The following HTR1F variants were observed in gnomAD, a reference collection of about 807,000 sequenced individuals.
HTR1F encodes 5-hydroxytryptamine receptor 1F.
Under a neutral mutation model 24.0 loss-of-function variants are expected in HTR1F, and 17 were observed. The ratio of observed to expected loss-of-function variants is 0.71; its 90% CI spans 0.48 to 1.06. The LOEUF (loss-of-function observed/expected upper bound fraction) is 1.06, where lower values mean the gene tolerates loss of function less well. Among genes scored for constraint, HTR1F ranks in the 50% least tolerant of loss-of-function variants. The pLI is 0.00. For synonymous variants in HTR1F, 186 were observed against 156.8 expected, an observed-to-expected ratio of 1.19 and a Z score of -1.39; for missense variants, 391 against 427.8, an observed-to-expected ratio of 0.91 and a Z score of 0.76.
At chr3:87,962,084 A>G (rs1167976220) in intron 2 of HTR1F, among the ~76,000 whole-genome samples, 3 of 152,112 alleles carry the variant, frequency 2.0e-5, no homozygotes, top group African/African-American at 7.2e-5. Context: ...TACATTGAAT[A>G]TAAGCAAAAA....
chr3:87,846,792 G>C (rs1355287008), intron 2 of HTR1F, among the ~76,000 whole-genome samples: 2 of 151,862 alleles, frequency 1.3e-5, no homozygotes, highest in African/African-American at 4.9e-5. Context: ...TTGTATTTTA[G>C]TTACATAAGA....
intron 2 of HTR1F, among the ~76,000 whole-genome samples, chr3:87,831,825 T>C (rs1704586924): frequency 6.6e-6 from 1 of 152,224 alleles, no homozygotes; most frequent in African/African-American, 2.4e-5. Context: ...TACTCATTAA[T>C]CAAGAAATTG....
Position 87,881,847 on chromosome 3 carries a change from C to A in HTR1F, c.-43+59723C>A, listed in dbSNP as rs1292251944. Among the ~76,000 whole-genome samples, 42 of 152,268 alleles carry A rather than the reference C, an allele frequency of 2.8e-4. 1 individual carries two copies. The highest frequency in any genetic ancestry group is 7.0e-4 in the African/African-American group (29 of 41,556). On this transcript the variant is annotated intron_variant, in intron 2 of 2. Transcript: ENST00000319595. ...CCAAAAGCAATGGCAACAAAAGCCA[C>A]AATTGACAAATGGGATCTAATTAAA...
intron 2 of HTR1F, among the ~76,000 whole-genome samples, chr3:87,908,610 A>G (rs1029539631): frequency 5.9e-5 from 9 of 152,030 alleles, no homozygotes; most frequent in Admixed American, 2.0e-4. Flanking sequence ...AATTTTATAA[A>G]TATTTAGAGT....
At chr3:87,981,577 T>C (rs1576119019) in intron 2 of HTR1F, among the ~76,000 whole-genome samples, 1 of 152,126 alleles carries the variant, frequency 6.6e-6, no homozygotes, top group Admixed American at 6.5e-5. Context: ...TCAGTTTCTA[T>C]TACCTTCACA....
intron 2 of HTR1F, among the ~76,000 whole-genome samples, chr3:87,822,771 A>G (rs1211603172): frequency 6.6e-6 from 1 of 152,204 alleles, no homozygotes; most frequent in African/African-American, 2.4e-5. Context: ...GTTGCCTCTG[A>G]TTATATGTGT....
In HTR1F at chr3:87,826,030, T is replaced by C. The variant is rs966321764; in HGVS notation, c.-43+3906T>C. On this transcript the variant is annotated intron_variant, in intron 2 of 2. Transcript: ENST00000319595. ...GAAGACTAAATAAGATCATGTGTATTAAAAAATATTTGCTGTAATGTATTG... is the reference window on the plus strand; with the variant it reads ...GAAGACTAAATAAGATCATGTGTATCAAAAAATATTTGCTGTAATGTATTG... 2.0e-5 allele frequency among the ~76,000 whole-genome samples: 3 copies of C among 152,208 alleles called. 1 individual carries two copies. Among genetic ancestry groups the C allele is most frequent in the African/African-American group, 7.2e-5 (3 of 41,448 alleles).
intron 2 of HTR1F, among the ~76,000 whole-genome samples, chr3:87,825,021 T>TAAG (rs1377340942): frequency 6.6e-6 from 1 of 152,242 alleles, no homozygotes; most frequent in African/African-American, 2.4e-5. Context: ...ATAGTGATTA[T>TAAG]AAGAAGTATT....
chr3:87,882,302 T>C (rs1467061883), intron 2 of HTR1F, among the ~76,000 whole-genome samples: 1 of 152,220 alleles, frequency 6.6e-6, no homozygotes, highest in African/African-American at 2.4e-5. Flanking sequence ...AGTGTGGTGA[T>C]TCCTCAGGGA....
At chr3:87,952,691 T>A (rs1478574658) in intron 2 of HTR1F, among the ~76,000 whole-genome samples, 1 of 152,110 alleles carries the variant, frequency 6.6e-6, no homozygotes, top group African/African-American at 2.4e-5. Context: ...AAATCATTAA[T>A]GCATAGAATA....
rs753964138 is a variant in HTR1F, at chr3:87,991,767, T to C, written c.1018T>C (p.Ser340Pro). The C allele has an allele frequency of 3.7e-6, 6 of 1,613,120 alleles. No individual in the cohort carries two copies. The highest frequency in any genetic ancestry group is 5.1e-6 in the Non-Finnish European group (6 of 1,179,358). ...NFLAWLGYLN[S>P]LINPLIYTIF... ...TTTGGCATGGCTTGGGTATCTCAATTCCCTTATAAATCCACTGATTTACAC... is the reference window on the plus strand; with the variant it reads ...TTTGGCATGGCTTGGGTATCTCAATCCCCTTATAAATCCACTGATTTACAC... The change falls in exon 3 of 3, where the codon TCC becomes CCC. Residue 340 changes from serine (S) to proline (P), a missense_variant. Transcript: ENST00000319595.
At chr3:87,946,396 A>C (rs1165430913) in intron 2 of HTR1F, among the ~76,000 whole-genome samples, 1 of 152,146 alleles carries the variant, frequency 6.6e-6, no homozygotes, top group Non-Finnish European at 1.5e-5. Flanking sequence ...ATAATTTAAA[A>C]ATATAATCAA....
At chr3:87,836,294 T>A (rs1312191779) in intron 2 of HTR1F, among the ~76,000 whole-genome samples, 1 of 152,188 alleles carries the variant, frequency 6.6e-6, no homozygotes. Flanking sequence ...GAGAATAGTC[T>A]CATTCATTGA....
chr3:87,879,207 C>G (rs1365124961), intron 2 of HTR1F, among the ~76,000 whole-genome samples: 1 of 152,034 alleles, frequency 6.6e-6, no homozygotes, highest in Non-Finnish European at 1.5e-5. Flanking sequence ...TGTTGTATAG[C>G]ATTAGTAATT....
intron 2 of HTR1F, among the ~76,000 whole-genome samples, chr3:87,852,956 A>T (rs1705119392): frequency 6.9e-6 from 1 of 144,308 alleles, no homozygotes; most frequent in Middle Eastern, 3.6e-3. Context: ...TTTAACTAAC[A>T]TTGTAGTGGC....
At chr3:87,820,301 C>T (rs1704332292) in intron 1 of HTR1F, among the ~76,000 whole-genome samples, 1 of 150,296 alleles carries the variant, frequency 6.7e-6, no homozygotes, top group Non-Finnish European at 1.5e-5. Flanking sequence ...CTCAGCCTCC[C>T]AAGTAGCTGG....
intron 2 of HTR1F, among the ~76,000 whole-genome samples, chr3:87,938,740 G>A (rs192613020): frequency 1.1e-4 from 16 of 152,078 alleles, no homozygotes; most frequent in African/African-American, 2.7e-4. Context: ...AGCCATATGC[G>A]GAAGATTGAA....
chr3:87,946,976 T>C (rs1188380884), intron 2 of HTR1F, among the ~76,000 whole-genome samples: 1 of 152,192 alleles, frequency 6.6e-6, no homozygotes, highest in Non-Finnish European at 1.5e-5. Flanking sequence ...AATAGGTCTG[T>C]CCCTAAATCC....
chr3:87,991,295 C>T lies in HTR1F; in HGVS notation c.546C>T (p.Thr182=), dbSNP rs1041760964. 18 of 1,613,778 alleles carry T rather than the reference C, an allele frequency of 1.1e-5. No homozygotes were observed. The highest frequency in any genetic ancestry group is 1.4e-5 in the Non-Finnish European group (17 of 1,179,924). Residue 182 remains threonine (T), a synonymous_variant, in exon 3 of 3, where the codon ACC becomes ACT. Coordinates refer to ENST00000319595, the MANE Select transcript of HTR1F (RefSeq NM_001322209.2). ...CIIKHDHIVS[T]IYSTFGAFYI... ...TCAAGCACGACCACATTGTTTCCACCATTTACTCAACATTTGGAGCTTTCT... is the reference window on the plus strand; with the variant it reads ...TCAAGCACGACCACATTGTTTCCACTATTTACTCAACATTTGGAGCTTTCT...
Sources: gnomAD v4.1 joint callset for allele counts (sites outside exome capture counted in the v4.1 genomes callset) on GRCh38, gnomAD v4.1.1 for gene constraint, MANE v1.5 for transcripts, NCBI Gene and HGNC (gene_info 2026-07-23, HGNC 2026-07-21) for gene names.